The following SGCZ variants were observed in gnomAD, a reference collection of about 807,000 sequenced individuals.
SGCZ encodes the protein sarcoglycan zeta.
A neutral mutation model predicts 41.3 loss-of-function variants in SGCZ; 40 were observed. The observed-to-expected ratio is 0.97, with a 90% CI of 0.75 to 1.26. The LOEUF (loss-of-function observed/expected upper bound fraction) is 1.26. SGCZ is among the 50% of genes most tolerant of loss of function. The probability of loss-of-function intolerance (pLI) is 0.00; values close to 1 mark genes in which losing one functional copy is unlikely to be tolerated. For missense variants in SGCZ, 552 were observed against 369.8 expected (o/e 1.49, Z -4.04); for synonymous variants, 206 against 137.5 (o/e 1.50, Z -3.49).
chr8:14,658,753 G>C (rs772119491), intron 1 of SGCZ, among the ~76,000 whole-genome samples: 1 of 151,944 alleles, frequency 6.6e-6, no homozygotes, highest in South Asian at 2.1e-4. Context: ...TTTGTTATTC[G>C]TTTAGCTCAG....
intron 2 of SGCZ, among the ~76,000 whole-genome samples, chr8:14,345,941 T>C (rs1802877881): frequency 6.6e-6 from 1 of 152,038 alleles, no homozygotes; most frequent in South Asian, 2.1e-4. Flanking sequence ...GGAAGGGATG[T>C]CTCAGTAGAA....
rs534710645 is a variant in SGCZ, at chr8:14,530,133, T to C, written c.234+24599A>G. Among the ~76,000 whole-genome samples, 15 of 152,190 alleles carry C rather than the reference T, an allele frequency of 9.9e-5. No homozygotes were observed. In the East Asian group the frequency reaches 2.5e-3, roughly 26 times the overall value. On this transcript the variant is annotated intron_variant, in intron 2 of 7. Transcript: ENST00000382080. Reference sequence around the variant, plus strand: ...TACAAAACCATGCATTTGCGTATTATGGTATTACAGATAATCATCTGAACT... The same window carrying C: ...TACAAAACCATGCATTTGCGTATTACGGTATTACAGATAATCATCTGAACT...
At chr8:14,134,946 T>C (rs986046854) in intron 5 of SGCZ, among the ~76,000 whole-genome samples, 2 of 152,216 alleles carry the variant, frequency 1.3e-5, no homozygotes, top group Non-Finnish European at 2.9e-5. Flanking sequence ...TATTATGTTA[T>C]TATTGAAACA....
intron 4 of SGCZ, among the ~76,000 whole-genome samples, chr8:14,199,208 C>A (rs1805375238): frequency 6.6e-6 from 1 of 152,114 alleles, no homozygotes; most frequent in Non-Finnish European, 1.5e-5. Flanking sequence ...AGAATGTGTC[C>A]CTAAGGGGAG....
intron 5 of SGCZ, among the ~76,000 whole-genome samples, chr8:14,123,869 C>T (rs1348941704): frequency 6.6e-6 from 1 of 151,990 alleles, no homozygotes; most frequent in Non-Finnish European, 1.5e-5. Flanking sequence ...ACAGGATTAT[C>T]CTGCATTATC....
At chr8:14,924,963 T>C (rs1265779951) in intron 1 of SGCZ, among the ~76,000 whole-genome samples, 2 of 151,748 alleles carry the variant, frequency 1.3e-5, no homozygotes, top group East Asian at 1.9e-4. Context: ...GTTCAAGCGA[T>C]TCTTGTGCCT....
At chr8:14,777,666 G>C (rs936952328) in intron 1 of SGCZ, among the ~76,000 whole-genome samples, 21 of 152,094 alleles carry the variant, frequency 1.4e-4, no homozygotes, top group African/African-American at 4.8e-4. Flanking sequence ...GAAGTATTTA[G>C]AGGACATGAT....
At chr8:14,147,772 A>C (rs1178459561) in intron 5 of SGCZ, among the ~76,000 whole-genome samples, 1 of 152,184 alleles carries the variant, frequency 6.6e-6, no homozygotes, top group African/African-American at 2.4e-5. Flanking sequence ...TTTCCTCAGC[A>C]TGTGGATCAT....
intron 1 of SGCZ, among the ~76,000 whole-genome samples, chr8:15,226,091 G>A (rs1303713036): frequency 1.3e-5 from 2 of 152,128 alleles, no homozygotes; most frequent in East Asian, 1.9e-4. Context: ...CATATTTACA[G>A]GTAACTAACA....
At chr8:14,707,835 T>C (rs547298386) in intron 1 of SGCZ, among the ~76,000 whole-genome samples, 4 of 152,150 alleles carry the variant, frequency 2.6e-5, no homozygotes, top group Non-Finnish European at 5.9e-5. Context: ...TTTGACACAA[T>C]TGAGTTTAAC....
intron 2 of SGCZ, among the ~76,000 whole-genome samples, chr8:14,339,628 G>C (rs1072579): frequency 0.2 from 30,500 of 152,068 alleles, 3,786 homozygotes; most frequent in Non-Finnish European, 0.29. Context: ...GTTGGTACTT[G>C]AATAAAACCT....
At chr8:14,672,590 T>C (rs547693842) in intron 1 of SGCZ, among the ~76,000 whole-genome samples, 3 of 152,300 alleles carry the variant, frequency 2.0e-5, no homozygotes, top group Non-Finnish European at 4.4e-5. Flanking sequence ...ATAAATATAA[T>C]GGTTGGAGCA....
At chr8:15,039,873 C>A (rs562057276) in intron 1 of SGCZ, among the ~76,000 whole-genome samples, 4 of 152,202 alleles carry the variant, frequency 2.6e-5, no homozygotes, top group Admixed American at 6.5e-5. Context: ...ATGGTTAAAC[C>A]GCAGCTTTTC....
intron 4 of SGCZ, among the ~76,000 whole-genome samples, chr8:14,178,781 A>T (rs1361277211): frequency 6.6e-6 from 1 of 152,254 alleles, no homozygotes; most frequent in East Asian, 1.9e-4. Context: ...ACTGTTAAAG[A>T]TAAATAAATT....
rs536118714 is a variant in SGCZ, at chr8:14,777,217, C to T, written c.40-222291G>A. Among the ~76,000 whole-genome samples, 28 of 152,258 alleles carry T rather than the reference C, an allele frequency of 1.8e-4. No homozygotes were observed. In the South Asian group the frequency reaches 5.2e-3, roughly 28 times the overall value. On this transcript the variant is annotated intron_variant, in intron 1 of 7. Transcript: ENST00000382080. ...AACTAGGGCATTTCACTAAAACTTT[C>T]ATCATGACGACTTGAATTAGAACAG...
chr8:14,180,642 G>C (rs1412866487), intron 4 of SGCZ, among the ~76,000 whole-genome samples: 1 of 152,046 alleles, frequency 6.6e-6, no homozygotes, highest in Non-Finnish European at 1.5e-5. Context: ...TCTCCCTAAA[G>C]GGATACAAAC....
chr8:14,497,195 G>A (rs908901506), intron 2 of SGCZ, among the ~76,000 whole-genome samples: 1 of 152,094 alleles, frequency 6.6e-6, no homozygotes, highest in African/African-American at 2.4e-5. Flanking sequence ...TAAAAACAGA[G>A]GTTTATCTTG....
At chr8:14,701,307 C>T (rs1401192143) in intron 1 of SGCZ, among the ~76,000 whole-genome samples, 1 of 151,924 alleles carries the variant, frequency 6.6e-6, no homozygotes, top group African/African-American at 2.4e-5. Flanking sequence ...ATTTATAAAA[C>T]TTATAAAAAT....
intron 1 of SGCZ, among the ~76,000 whole-genome samples, chr8:14,816,966 C>A (rs1388155675): frequency 6.6e-6 from 1 of 152,190 alleles, no homozygotes; most frequent in Non-Finnish European, 1.5e-5. Flanking sequence ...TCTAAGCTCA[C>A]AATTGATACC....
Sources: allele counts gnomAD v4.1 joint callset (sites outside exome capture counted in the v4.1 genomes callset), GRCh38; gene constraint gnomAD v4.1.1; transcripts MANE v1.5; gene names NCBI Gene and HGNC (gene_info 2026-07-23, HGNC 2026-07-21).